SKAP1: variants seen among roughly 807,000 people sequenced by gnomAD.
SKAP1 encodes the protein src kinase associated phosphoprotein 1.
A neutral mutation model predicts 58.5 loss-of-function variants in SKAP1; 44 were observed. That is an observed-to-expected ratio of 0.75 (90% CI 0.59 to 0.97). The LOEUF (loss-of-function observed/expected upper bound fraction) is 0.97, where lower values mean the gene tolerates loss of function less well. Among genes scored for constraint, SKAP1 ranks in the 50% least tolerant of loss-of-function variants. SKAP1 has a pLI of 0.00. For missense variants in SKAP1, 390 were observed against 435.2 expected (o/e 0.90, Z 0.92); for synonymous variants, 127 against 149.7 (o/e 0.85, Z 1.11).
Position 48,143,044 on chromosome 17 carries a change from T to C in SKAP1, c.979-5707A>G, listed in dbSNP as rs528754285. Among the ~76,000 whole-genome samples, 3 of 150,288 alleles carry C rather than the reference T, an allele frequency of 2.0e-5. No homozygotes were observed. The East Asian group carries it at 5.9e-4, about 30-fold the overall frequency. ...GTTGCCCAGGCTGGTCCTGAACTCC[T>C]GGGTTCAAGCAATCCTCCTGCTTGT... On this transcript the variant is annotated intron_variant, in intron 11 of 12. Coordinates refer to ENST00000336915, the MANE Select transcript of SKAP1 (RefSeq NM_003726.4).
intron 2 of SKAP1, among the ~76,000 whole-genome samples, chr17:48,389,303 A>G (rs772647915): frequency 1.3e-5 from 2 of 151,160 alleles, no homozygotes; most frequent in Non-Finnish European, 2.9e-5. Flanking sequence ...GTTCCCCTAC[A>G]CTATTTTTTT....
At chr17:48,332,343 T>C (rs16955553) in intron 4 of SKAP1, among the ~76,000 whole-genome samples, 3,389 of 152,276 alleles carry the variant, frequency 0.022, 114 homozygotes, top group African/African-American at 0.075. Context: ...TGCTGGACTA[T>C]GAAATGATAA....
intron 1 of SKAP1, among the ~76,000 whole-genome samples, chr17:48,423,875 G>A (rs2067823843): frequency 6.6e-6 from 1 of 151,934 alleles, no homozygotes; most frequent in South Asian, 2.1e-4. Flanking sequence ...TCCCACCTCC[G>A]CCTCTCAAAG....
At chr17:48,416,308 C>A (rs1028697586) in intron 1 of SKAP1, among the ~76,000 whole-genome samples, 4 of 152,080 alleles carry the variant, frequency 2.6e-5, no homozygotes, top group African/African-American at 9.7e-5. Context: ...CCAGACATCA[C>A]CCCTCCCAGT....
chr17:48,231,497 GGTACTAAATACTCTAT>G (rs2065125339), intron 4 of SKAP1, among the ~76,000 whole-genome samples: 1 of 151,948 alleles, frequency 6.6e-6, no homozygotes, highest in Non-Finnish European at 1.5e-5. Flanking sequence ...CAAGTAGAAG[GGTACTAAATACTCTAT>G]GTAGTTGAGA....
chr17:48,189,304 C>T (rs2064503189), intron 5 of SKAP1, 119 bp downstream of exon 5: 2 of 765,222 alleles, frequency 2.6e-6, no homozygotes, highest in Non-Finnish European at 2.1e-6. Context: ...TTTGCTTTTG[C>T]CTTGTATCCG....
intron 4 of SKAP1, among the ~76,000 whole-genome samples, chr17:48,201,380 T>C (rs2064726093): frequency 6.6e-6 from 1 of 150,910 alleles, no homozygotes; most frequent in East Asian, 1.9e-4. Flanking sequence ...CCTTCTTTCC[T>C]CTCTCTCTCT....
In SKAP1 at chr17:48,430,123, G is replaced by C; in HGVS notation, c.-3C>G. Reference sequence around the variant, plus strand: ...TCAGGGAGGGCGGCGGCCTGCATTTGGCTGGGCGGGAGAGAGGCGGGACGG... The same window carrying C: ...TCAGGGAGGGCGGCGGCCTGCATTTCGCTGGGCGGGAGAGAGGCGGGACGG... On this transcript the variant is annotated 5_prime_UTR_variant, in exon 1 of 13. Transcript: ENST00000336915. 1 of 1,262,372 alleles carries C rather than the reference G, an allele frequency of 7.9e-7. No homozygotes were observed. The highest frequency in any genetic ancestry group is 3.0e-5 in the East Asian group (1 of 32,948). The allele number at this position is 1,262,372 out of a possible 1,614,324, so 78.2% of individuals were successfully genotyped here. A position where few individuals can be genotyped will look rare whatever the true frequency, so the allele number is the denominator to read the frequency against.
At chr17:48,344,505 C>T (rs941364544) in intron 4 of SKAP1, among the ~76,000 whole-genome samples, 9 of 152,066 alleles carry the variant, frequency 5.9e-5, no homozygotes, top group Non-Finnish European at 1.2e-4. Flanking sequence ...AATAAGTGAC[C>T]TAAGGATTAA....
chr17:48,339,439 A>G (rs963583009), intron 4 of SKAP1, among the ~76,000 whole-genome samples: 2 of 152,222 alleles, frequency 1.3e-5, no homozygotes, highest in African/African-American at 4.8e-5. Flanking sequence ...TAGCTTACAT[A>G]GTTTTAAAAA....
intron 4 of SKAP1, among the ~76,000 whole-genome samples, chr17:48,291,230 T>C (rs2065893366): frequency 6.6e-6 from 1 of 152,196 alleles, no homozygotes; most frequent in Non-Finnish European, 1.5e-5. Flanking sequence ...GGGGTTACTT[T>C]GAAAATAGTA....
chr17:48,170,482 G>A (rs2064193519), intron 10 of SKAP1, 127 bp downstream of exon 10: 1 of 796,392 alleles, frequency 1.3e-6, no homozygotes, highest in Non-Finnish European at 2.2e-6. Context: ...GGGCTTTGGG[G>A]TTCACACACA....
At chr17:48,386,306 CT>C (rs201047932) in intron 2 of SKAP1, among the ~76,000 whole-genome samples, 10,977 of 127,160 alleles carry the variant, frequency 0.086, 452 homozygotes, top group South Asian at 0.27. Flanking sequence ...CATGCTAGAC[CT>C]TTTTTTTTTT....
At chr17:48,166,022 G>A (rs2064134707) in intron 10 of SKAP1, among the ~76,000 whole-genome samples, 1 of 152,098 alleles carries the variant, frequency 6.6e-6, no homozygotes, top group African/African-American at 2.4e-5. Context: ...CAAAAGCAAA[G>A]CACTAATATA....
rs185345384 is a variant in SKAP1 at position 48,211,779 on chromosome 17, C to T, written c.281-22279G>A. On this transcript the variant is annotated intron_variant, in intron 4 of 12. Transcript: ENST00000336915. ...CGTCCACCATGTTTCAAACCCTTCG[C>T]CCTTTCCTCTTCAGGCTCTTTCTAT... Among the ~76,000 whole-genome samples the T allele has an allele frequency of 1.2e-3, 183 of 152,244 alleles. 1 individual carries two copies. Among genetic ancestry groups the T allele is most frequent in the African/African-American group, 4.3e-3 (179 of 41,534 alleles).
At chr17:48,316,040 C>T (rs1266109194) in intron 4 of SKAP1, among the ~76,000 whole-genome samples, 1 of 152,100 alleles carries the variant, frequency 6.6e-6, no homozygotes, top group Non-Finnish European at 1.5e-5. Flanking sequence ...ATCCAGTATA[C>T]CTCACCCTAG....
At chr17:48,303,635 T>C (rs936678875) in intron 4 of SKAP1, among the ~76,000 whole-genome samples, 2 of 152,206 alleles carry the variant, frequency 1.3e-5, no homozygotes, top group Non-Finnish European at 2.9e-5. Flanking sequence ...AACCATCTTA[T>C]GTCAGAAAAC....
intron 4 of SKAP1, among the ~76,000 whole-genome samples, chr17:48,226,435 A>G (rs900545716): frequency 6.6e-5 from 10 of 152,120 alleles, no homozygotes; most frequent in African/African-American, 2.4e-4. Flanking sequence ...ATTGTAGGTA[A>G]GTTTCATCTA....
At chr17:48,425,659 G>A (rs2067847559) in intron 1 of SKAP1, among the ~76,000 whole-genome samples, 1 of 152,152 alleles carries the variant, frequency 6.6e-6, no homozygotes, top group African/African-American at 2.4e-5. Context: ...TGGGTACTTT[G>A]TTCATCAAGA....
Sources: gnomAD v4.1 joint callset for allele counts (sites outside exome capture counted in the v4.1 genomes callset) on GRCh38, gnomAD v4.1.1 for gene constraint, MANE v1.5 for transcripts, NCBI Gene and HGNC (gene_info 2026-07-23, HGNC 2026-07-21) for gene names.